The following FARP1 variants were observed in gnomAD, a reference collection of about 807,000 sequenced individuals.
FARP1 encodes FERM, ARH/RhoGEF and pleckstrin domain protein 1.
FARP1 carries 52 observed loss-of-function variants against 128.8 expected under a neutral mutation model. The ratio of observed to expected loss-of-function variants is 0.40; its 90% CI spans 0.32 to 0.51. FARP1 has a LOEUF of 0.51. Among genes scored for constraint, FARP1 ranks in the 20% least tolerant of loss-of-function variants. FARP1 has a pLI of 0.45. For synonymous variants in FARP1, 580 were observed against 551.8 expected, an observed-to-expected ratio of 1.05 and a Z score of -0.72; for missense variants, 1,333 against 1,367.9, an observed-to-expected ratio of 0.97 and a Z score of 0.40.
At chr13:98,220,446 G>A (rs1881350924) in intron 2 of FARP1, among the ~76,000 whole-genome samples, 1 of 152,156 alleles carries the variant, frequency 6.6e-6, no homozygotes, top group South Asian at 2.1e-4. Context: ...TGTTCACCCA[G>A]CTTTAAAAAA....
chr13:98,251,060 T>C (rs1207438051), intron 2 of FARP1, among the ~76,000 whole-genome samples: 1 of 152,228 alleles, frequency 6.6e-6, no homozygotes, highest in African/African-American at 2.4e-5. Context: ...TACATAAATA[T>C]GTTTATTCTT....
At chr13:98,395,177 C>A in intron 12 of FARP1, 50 bp from the exon 13 acceptor site, 1 of 1,533,242 alleles carries the variant, frequency 6.5e-7, no homozygotes, top group Non-Finnish European at 8.8e-7. Flanking sequence ...CTTGGAATAA[C>A]AGTCTCCCTC....
rs1288889900 is a variant in FARP1, at chr13:98,176,980, G to A, written c.-24+33488G>A. On this transcript the variant is annotated intron_variant, in intron 1 of 26. Coordinates refer to ENST00000319562, the MANE Select transcript of FARP1 (RefSeq NM_005766.4). This position sits in a 1 kb window ranked among gnomAD's most constrained non-coding sequence, Gnocchi z 6.2. ...GTACACCACGTCGAGGCTCTCAGGC[G>A]CCGCCTCCTCGCCCCTCCTGTCGCC... is the stretch of plus-strand genomic sequence containing the variant. 1.0e-5 allele frequency: 16 copies of A among 1,599,860 alleles called. No homozygotes were observed. The highest frequency in any genetic ancestry group is 1.3e-5 in the Non-Finnish European group (15 of 1,179,652).
At chr13:98,368,623 G>A (rs575098562) in intron 5 of FARP1, among the ~76,000 whole-genome samples, 1 of 152,316 alleles carries the variant, frequency 6.6e-6, no homozygotes, top group Non-Finnish European at 1.5e-5. Context: ...TGCAGGCATT[G>A]AGTCAGACCT....
In FARP1 at chr13:98,165,706, AG is replaced by A. The variant is rs1446164703; in HGVS notation, c.-24+22218del. On this transcript the variant is annotated intron_variant, in intron 1 of 26. Transcript: ENST00000319562. The stretch of plus-strand genomic sequence containing the variant: ...AAAAAAAAAAAAAAACCCTTCCAGA[AG>A]GGGTTTTTTTTTTTTTTTTTTTTTT... 5.2e-3 allele frequency among the ~76,000 whole-genome samples: 574 copies of A among 111,172 alleles called. 9 individuals carry two copies. The highest frequency in any genetic ancestry group is 7.0e-3 in the Non-Finnish European group (372 of 53,350). 72.9% of individuals were successfully genotyped at this position (111,172 alleles called of 152,430 possible). A position where few individuals can be genotyped will look rare whatever the true frequency, so the allele number is the denominator to read the frequency against.
chr13:98,344,745 G>C (rs1360669362), intron 3 of FARP1, among the ~76,000 whole-genome samples: 1 of 152,154 alleles, frequency 6.6e-6, no homozygotes, highest in Non-Finnish European at 1.5e-5. Flanking sequence ...TCTGAGCAGA[G>C]CAGGTGGTGA....
At chr13:98,364,392 A>G (rs1888998390) in intron 3 of FARP1, among the ~76,000 whole-genome samples, 1 of 152,182 alleles carries the variant, frequency 6.6e-6, no homozygotes, top group Non-Finnish European at 1.5e-5. Context: ...TAATGGGTGG[A>G]AATGGTATTT....
At chr13:98,439,515 TC>T (rs1440898801) in intron 21 of FARP1, among the ~76,000 whole-genome samples, 1 of 152,152 alleles carries the variant, frequency 6.6e-6, no homozygotes, top group Non-Finnish European at 1.5e-5. Context: ...TGAACTCGCC[TC>T]CCACAGCCTG....
intron 2 of FARP1, among the ~76,000 whole-genome samples, chr13:98,266,552 G>A (rs1482036425): frequency 6.6e-6 from 1 of 152,184 alleles, no homozygotes; most frequent in African/African-American, 2.4e-5. Context: ...GCTCTGCCAA[G>A]AAGCAAGAGT....
At chr13:98,335,921 C>T (rs965003942) in intron 2 of FARP1, among the ~76,000 whole-genome samples, 7 of 152,140 alleles carry the variant, frequency 4.6e-5, no homozygotes, top group Non-Finnish European at 7.4e-5. Flanking sequence ...GTCATGGTTA[C>T]GCTAATCCCA....
chr13:98,177,358 T>G lies in FARP1; in HGVS notation c.-24+33866T>G, dbSNP rs1254826300. 9.4e-5 allele frequency: 74 copies of G among 786,342 alleles called. 2 individuals carry two copies. The highest frequency in any genetic ancestry group is 1.3e-4 in the Non-Finnish European group (66 of 520,284). The allele number at this position is 786,342 out of a possible 1,614,324, so 48.7% of individuals were successfully genotyped here. On this transcript the variant is annotated intron_variant, in intron 1 of 26. Coordinates refer to ENST00000319562, the MANE Select transcript of FARP1 (RefSeq NM_005766.4). ...AGCAAAAGCAAGTGAAAGAAAAGCT[T>G]CTGCTAGGCCAGGCGCGGTGACTCA...
chr13:98,223,293 C>T (rs774851260), intron 2 of FARP1, among the ~76,000 whole-genome samples: 23 of 152,174 alleles, frequency 1.5e-4, no homozygotes, highest in Admixed American at 2.6e-4. Context: ...ATGAAAGGAA[C>T]ATTGGTAGTG....
At chr13:98,252,641 A>G (rs779899573) in intron 2 of FARP1, among the ~76,000 whole-genome samples, 3 of 152,186 alleles carry the variant, frequency 2.0e-5, no homozygotes, top group Admixed American at 2.0e-4. Flanking sequence ...AATGCCAGGT[A>G]TCTCTGTACT....
chr13:98,269,040 C>G (rs923378882), intron 2 of FARP1, among the ~76,000 whole-genome samples: 1 of 152,074 alleles, frequency 6.6e-6, no homozygotes, highest in African/African-American at 2.4e-5. Context: ...CCTCTCCCTT[C>G]TGGTAGCTGA....
chr13:98,246,600 A>G (rs1883080074), intron 2 of FARP1, among the ~76,000 whole-genome samples: 2 of 152,126 alleles, frequency 1.3e-5, no homozygotes, highest in South Asian at 2.1e-4. Flanking sequence ...GTGTGTTTAC[A>G]TACTATACTC....
intron 2 of FARP1, among the ~76,000 whole-genome samples, chr13:98,270,121 A>C (rs558037554): frequency 4.6e-5 from 7 of 152,378 alleles, no homozygotes; most frequent in African/African-American, 1.7e-4. Context: ...AATGCAGTAC[A>C]TAAAATTGGC....
chr13:98,446,233 C>T (rs1892827138), intron 25 of FARP1, 28 bp downstream of exon 25: 1 of 1,506,948 alleles, frequency 6.6e-7, no homozygotes, highest in Admixed American at 1.7e-5. Context: ...GGCAGGTGGC[C>T]CTGGGACCTT....
intron 13 of FARP1, chr13:98,395,948 A>G (rs1181520262): frequency 7.5e-6 from 3 of 399,338 alleles, no homozygotes; most frequent in Non-Finnish European, 1.3e-5. Flanking sequence ...GAAAATGGAC[A>G]TGACCATAGA....
intron 2 of FARP1, among the ~76,000 whole-genome samples, chr13:98,264,521 A>G (rs1325407821): frequency 2.6e-5 from 4 of 152,060 alleles, no homozygotes; most frequent in Non-Finnish European, 5.9e-5. Context: ...TGTTCAAGTC[A>G]CCCTTATTTG....
Sources: allele counts gnomAD v4.1 joint callset (sites outside exome capture counted in the v4.1 genomes callset), GRCh38; gene constraint gnomAD v4.1.1; non-coding constraint Gnocchi (gnomAD v3.1); transcripts MANE v1.5; gene names NCBI Gene and HGNC (gene_info 2026-07-23, HGNC 2026-07-21).